NEMF: variants seen among roughly 807,000 people sequenced by gnomAD.
NEMF encodes ribosome quality control complex subunit NEMF.
NEMF carries 89 observed loss-of-function variants against 162.2 expected under a neutral mutation model. The observed-to-expected ratio is 0.55, with a 90% CI of 0.46 to 0.65. NEMF has a LOEUF of 0.65. Among genes scored for constraint, NEMF ranks in the 30% least tolerant of loss-of-function variants. NEMF has a pLI of 0.00. For synonymous variants in NEMF, 421 were observed against 404.5 expected, an observed-to-expected ratio of 1.04 and a Z score of -0.49; for missense variants, 1,133 against 1,261.9, an observed-to-expected ratio of 0.90 and a Z score of 1.55.
chr14:49,808,651 A>T (rs1053521924), intron 18 of NEMF, among the ~76,000 whole-genome samples: 1 of 151,152 alleles, frequency 6.6e-6, no homozygotes, highest in Non-Finnish European at 1.5e-5. Flanking sequence ...ATGCATTTTA[A>T]GTTAATTTTT....
intron 16 of NEMF, among the ~76,000 whole-genome samples, chr14:49,816,052 G>A (rs527322418): frequency 1.3e-5 from 2 of 152,258 alleles, no homozygotes; most frequent in South Asian, 2.1e-4. Flanking sequence ...ACCAAAGAGG[G>A]AGCCATTGTG....
chr14:49,782,279 G>A lies in NEMF; in HGVS notation c.*2357C>T, dbSNP rs968403547. On this transcript the variant is annotated 3_prime_UTR_variant, in exon 33 of 33. Coordinates refer to ENST00000298310, the MANE Select transcript of NEMF (RefSeq NM_004713.6). ...TTTTGGTCTGAACTACCTTAAGATC[G>A]CTAGTCTTTATTTCATAGCTCTATT... 2 of 773,368 alleles carry A rather than the reference G, an allele frequency of 2.6e-6. No homozygotes were observed. The highest frequency in any genetic ancestry group is 2.6e-5 in the Admixed American group (1 of 38,522). The allele number at this position is 773,368 out of a possible 1,614,324, so 47.9% of individuals were successfully genotyped here. A position where few individuals can be genotyped will look rare whatever the true frequency, so the allele number is the denominator to read the frequency against.
chr14:49,795,962 G>C lies in NEMF; in HGVS notation c.2466-18C>G, dbSNP rs766514761. 4 of 1,577,674 alleles carry C rather than the reference G, an allele frequency of 2.5e-6. No individual in the cohort carries two copies. The highest frequency in any genetic ancestry group is 3.4e-6 in the Non-Finnish European group (4 of 1,166,098). ...TCATTTCCCTGAATAAAAAAGACAT[G>C]AAAACATTTCATTCTTAGAATTTGA... On this transcript the variant is annotated intron_variant, in intron 25 of 32. Coordinates refer to ENST00000298310, the MANE Select transcript of NEMF (RefSeq NM_004713.6).
rs1277204636 is a variant in NEMF at position 49,838,121 on chromosome 14, A to G, written c.574+18T>C. On this transcript the variant is annotated intron_variant, in intron 6 of 32. Coordinates refer to ENST00000298310, the MANE Select transcript of NEMF (RefSeq NM_004713.6). ...ACTGCCTTGCAAACATTTCACTGCT[A>G]TTTGCAGGAATACTCACGAAGTAAT... 4.4e-6 allele frequency: 7 copies of G among 1,586,492 alleles called. No individual in the cohort carries two copies. Among genetic ancestry groups the G allele is most frequent in the Middle Eastern group, 1.7e-4 (1 of 5,986 alleles).
chr14:49,798,002 G>C (rs950471751), intron 25 of NEMF, among the ~76,000 whole-genome samples: 10 of 152,138 alleles, frequency 6.6e-5, no homozygotes, highest in African/African-American at 2.4e-4. Flanking sequence ...AATTATCCCA[G>C]CATGAATGAG....
chr14:49,791,150 A>G (rs868762966), intron 26 of NEMF, among the ~76,000 whole-genome samples: 17 of 151,510 alleles, frequency 1.1e-4, no homozygotes, highest in Non-Finnish European at 2.2e-4. Context: ...CCTGGCCAAC[A>G]TAAGTGAAAC....
chr14:49,803,822 C>G (rs1170100009), intron 19 of NEMF, among the ~76,000 whole-genome samples: 1 of 151,624 alleles, frequency 6.6e-6, no homozygotes, highest in Non-Finnish European at 1.5e-5. Context: ...CTATGCCCGG[C>G]AATAATTTTC....
chr14:49,848,833 CAAAAAAAAAA>C (rs36090515), intron 3 of NEMF, among the ~76,000 whole-genome samples: 1 of 40,780 alleles, frequency 2.5e-5, no homozygotes, highest in Non-Finnish European at 4.7e-5. Flanking sequence ...GACTCCGTCT[CAAAAAAAAAA>C]AAAAAAAAAA....
Position 49,800,565 on chromosome 14 carries a change from T to C in NEMF, c.2227A>G (p.Ile743Val), listed in dbSNP as rs866029040. Reference sequence around the variant, plus strand: ...TCGTCTTCAGAGCTTTCTTCCTGAATGAGCTCCTCATTTAGTTCATCTCTG... The same window carrying C: ...TCGTCTTCAGAGCTTTCTTCCTGAACGAGCTCCTCATTTAGTTCATCTCTG... ...SGRDELNEELIQEESSEDEGE... is the reference protein window; with the variant it reads ...SGRDELNEELVQEESSEDEGE... Residue 743 changes from isoleucine to valine, a missense_variant, in exon 23 of 33, where the codon ATT (isoleucine) becomes GTT (valine). Physicochemically the swap from Ile to Val is conservative, Grantham distance 29 (BLOSUM62 3). This residue lies in a region of NEMF where 532 missense variants were observed against 578.6 expected (regional missense o/e 0.92). Coordinates refer to ENST00000298310, the MANE Select transcript of NEMF (RefSeq NM_004713.6). 1 of 1,613,690 alleles carries C rather than the reference T, an allele frequency of 6.2e-7. No homozygotes were observed. The highest frequency in any genetic ancestry group is 1.3e-5 in the African/African-American group (1 of 75,012).
intron 10 of NEMF, 28 bp downstream of exon 10, chr14:49,832,023 T>C: frequency 1.3e-6 from 2 of 1,500,764 alleles, no homozygotes; most frequent in African/African-American, 1.4e-5. Context: ...GCTAACTAAC[T>C]GGTAAAGGAA....
intron 19 of NEMF, among the ~76,000 whole-genome samples, chr14:49,804,049 G>C (rs1386832827): frequency 6.8e-6 from 1 of 146,322 alleles, no homozygotes; most frequent in African/African-American, 2.5e-5. Context: ...CTGTCACCCA[G>C]GCTGGAGTGC....
rs1889992567 is a variant in NEMF, at chr14:49,783,157, A to G, written c.*1479T>C. ...AACACCAGTAGCTGTCCTCTATTAA[A>G]GTAAAGTAATGGTTGGGCTTTTTAC... On this transcript the variant is annotated 3_prime_UTR_variant, in exon 33 of 33. Transcript: ENST00000298310. 1 of 397,218 alleles carries G rather than the reference A, an allele frequency of 2.5e-6. No individual in the cohort carries two copies. Among genetic ancestry groups the G allele is most frequent in the Non-Finnish European group, 4.4e-6 (1 of 227,436 alleles). The allele number at this position is 397,218 out of a possible 1,614,324, so 24.6% of individuals were successfully genotyped here.
At chr14:49,851,979 G>C (rs1378881987) in intron 1 of NEMF, 104 bp from the exon 2 acceptor site, 2 of 688,646 alleles carry the variant, frequency 2.9e-6, no homozygotes, top group African/African-American at 3.6e-5. Context: ...CAGTCTCTAA[G>C]GATATGGAGT....
intron 25 of NEMF, chr14:49,796,258 T>C: frequency 2.1e-6 from 1 of 485,454 alleles, no homozygotes; most frequent in South Asian, 1.5e-5. Context: ...CTGGGATTTG[T>C]AGTCTTTGTA....
At chr14:49,846,483 T>A (rs1226488877) in intron 3 of NEMF, among the ~76,000 whole-genome samples, 4 of 152,356 alleles carry the variant, frequency 2.6e-5, no homozygotes, top group African/African-American at 7.2e-5. Flanking sequence ...TGCATTTTTT[T>A]AAGACAGGGT....
intron 4 of NEMF, among the ~76,000 whole-genome samples, chr14:49,845,384 C>T (rs1035183712): frequency 1.3e-5 from 2 of 152,234 alleles, no homozygotes; most frequent in African/African-American, 4.8e-5. Flanking sequence ...GCTAGGATTA[C>T]AGGTGTGAGC....
chr14:49,785,064 C>T lies in NEMF; in HGVS notation c.3073+28G>A, dbSNP rs747319283. The T allele has an allele frequency of 3.4e-5, 55 of 1,607,418 alleles. 1 individual carries two copies. The South Asian group carries it at 5.8e-4, about 17-fold the overall frequency. On this transcript the variant is annotated intron_variant, in intron 31 of 32. Transcript: ENST00000298310. ...GTTAAGTCACTGAACTGTTTAAAAT[C>T]ATAATTCAAAAAAACAAATTTAAAT...
At chr14:49,788,989 C>T (rs901967204) in intron 28 of NEMF, among the ~76,000 whole-genome samples, 157 bp downstream of exon 28, 1 of 152,120 alleles carries the variant, frequency 6.6e-6, no homozygotes, top group Non-Finnish European at 1.5e-5. Context: ...TAAGATACTG[C>T]AATTTTAGTC....
chr14:49,843,332 A>G (rs1893310075), intron 4 of NEMF, among the ~76,000 whole-genome samples: 1 of 152,050 alleles, frequency 6.6e-6, no homozygotes, highest in African/African-American at 2.4e-5. Context: ...TGTCTCTACA[A>G]AAAATAAAAA....
Sources: gnomAD v4.1 joint callset for allele counts (sites outside exome capture counted in the v4.1 genomes callset) on GRCh38, gnomAD v4.1.1 for gene constraint, gnomAD v4.1.1 regional missense constraint, MANE v1.5 for transcripts, NCBI Gene and HGNC (gene_info 2026-07-23, HGNC 2026-07-21) for gene names.